Variants in ZFAND6 observed in about 807,000 individuals in gnomAD.
ZFAND6 encodes AN1-type zinc finger protein 6.
A neutral mutation model predicts 24.5 loss-of-function variants in ZFAND6; 12 were observed. The ratio of observed to expected loss-of-function variants is 0.49; its 90% CI spans 0.31 to 0.79. The LOEUF is 0.79. ZFAND6 is among the 30% of genes least tolerant of loss of function. The probability of loss-of-function intolerance (pLI) is 0.04; values close to 1 mark genes in which losing one functional copy is unlikely to be tolerated. For synonymous variants in ZFAND6, 92 were observed against 81.5 expected (o/e 1.13, Z -0.69); for missense variants, 207 against 245.9 (o/e 0.84, Z 1.06).
intron 2 of ZFAND6, among the ~76,000 whole-genome samples, chr15:80,114,553 C>G (rs1020946497): frequency 6.6e-6 from 1 of 152,068 alleles, no homozygotes; most frequent in Non-Finnish European, 1.5e-5. Flanking sequence ...CAATGAGAAC[C>G]ACAGTTGGGA....
At chr15:80,089,173 A>T (rs1310565305) in intron 1 of ZFAND6, among the ~76,000 whole-genome samples, 2 of 151,510 alleles carry the variant, frequency 1.3e-5, no homozygotes, top group African/African-American at 4.9e-5. Flanking sequence ...AGATTGCAAT[A>T]ATTCAACATA....
intron 2 of ZFAND6, among the ~76,000 whole-genome samples, chr15:80,113,656 T>C (rs1567085067): frequency 6.6e-6 from 1 of 152,188 alleles, no homozygotes; most frequent in Non-Finnish European, 1.5e-5. Context: ...AATATAGCCG[T>C]TTTTTGCCTG....
chr15:80,125,774 T>A (rs2142031785), intron 5 of ZFAND6, among the ~76,000 whole-genome samples: 1 of 152,298 alleles, frequency 6.6e-6, no homozygotes. Flanking sequence ...AGATCTTGGG[T>A]CATAGTAGAA....
chr15:80,078,550 A>G (rs768398964), intron 1 of ZFAND6, among the ~76,000 whole-genome samples: 3 of 152,144 alleles, frequency 2.0e-5, no homozygotes, highest in Non-Finnish European at 4.4e-5. Flanking sequence ...TGGTAAAATG[A>G]TTTATTTTCT....
At chr15:80,060,976 C>T (rs2036302263) in intron 1 of ZFAND6, among the ~76,000 whole-genome samples, 1 of 152,146 alleles carries the variant, frequency 6.6e-6, no homozygotes, top group Non-Finnish European at 1.5e-5. Flanking sequence ...GGATTAAATT[C>T]CTCTTTCAAA....
chr15:80,131,606 A>G (rs2040606566), intron 6 of ZFAND6: 1 of 373,536 alleles, frequency 2.7e-6, no homozygotes, highest in Non-Finnish European at 4.8e-6. Flanking sequence ...ATTTTGAAGT[A>G]CTTGGTAAAC....
At chr15:80,080,621 G>A (rs924974361) in intron 1 of ZFAND6, among the ~76,000 whole-genome samples, 1 of 152,198 alleles carries the variant, frequency 6.6e-6, no homozygotes, top group African/African-American at 2.4e-5. Context: ...AATCTTGGAT[G>A]TGTTAGGTCA....
chr15:80,068,674 T>C (rs1263025367), intron 1 of ZFAND6, among the ~76,000 whole-genome samples: 1 of 152,222 alleles, frequency 6.6e-6, no homozygotes, highest in African/African-American at 2.4e-5. Context: ...GCTCAGCCGG[T>C]CTTGAACTTT....
At chr15:80,097,976 A>G (rs2038828698) in intron 1 of ZFAND6, among the ~76,000 whole-genome samples, 1 of 152,208 alleles carries the variant, frequency 6.6e-6, no homozygotes, top group African/African-American at 2.4e-5. Context: ...TGTCAGCAAC[A>G]TGGCTCCTCC....
chr15:80,134,271 C>T (rs960612720), intron 6 of ZFAND6, among the ~76,000 whole-genome samples: 1 of 152,120 alleles, frequency 6.6e-6, no homozygotes, highest in Admixed American at 6.5e-5. Flanking sequence ...ATTACAGGCA[C>T]GAGCCACAGC....
chr15:80,121,635 GATTTTGATTTTTTTAGATAAGGTCTT>G lies in ZFAND6; in HGVS notation c.155-75_155-50del. 2.5e-6 allele frequency: 3 copies of G among 1,220,168 alleles called. No homozygotes were observed. The South Asian group carries it at 4.2e-5, about 17-fold the overall frequency. 75.6% of individuals were successfully genotyped at this position (1,220,168 alleles called of 1,614,324 possible). A position where few individuals can be genotyped will look rare whatever the true frequency, so the allele number is the denominator to read the frequency against. On this transcript the variant is annotated intron_variant, in intron 3 of 6. Coordinates refer to ENST00000261749, the MANE Select transcript of ZFAND6 (RefSeq NM_019006.4). ...TCTATACTGTGTTCTGTGGAAAATG[GATTTTGATTTTTTTAGATAAGGTCTT>G]AGACTGCTGAGCATATAGAATCACT...
At chr15:80,089,877 A>G (rs933150070) in intron 1 of ZFAND6, among the ~76,000 whole-genome samples, 17 of 152,302 alleles carry the variant, frequency 1.1e-4, no homozygotes, top group African/African-American at 3.8e-4. Flanking sequence ...GTATCAGTCT[A>G]CTTGTGACTC....
chr15:80,104,142 G>A (rs1004340581), intron 2 of ZFAND6, among the ~76,000 whole-genome samples: 4 of 151,852 alleles, frequency 2.6e-5, no homozygotes, highest in Admixed American at 6.6e-5. Flanking sequence ...GCCCCTGGCC[G>A]GATTTTATTT....
At chr15:80,122,408 G>T (rs993422675) in intron 4 of ZFAND6, among the ~76,000 whole-genome samples, 1 of 151,900 alleles carries the variant, frequency 6.6e-6, no homozygotes, top group African/African-American at 2.4e-5. Context: ...TTTGTCTTAG[G>T]GTTCTTTAAG....
At chr15:80,102,121 A>T (rs911669356) in intron 2 of ZFAND6, among the ~76,000 whole-genome samples, 8 of 151,344 alleles carry the variant, frequency 5.3e-5, no homozygotes, top group Non-Finnish European at 4.4e-5. Flanking sequence ...AACAATTTAT[A>T]AAATTTATTA....
At chr15:80,111,338 C>T (rs2039599125) in intron 2 of ZFAND6, 2 of 363,150 alleles carry the variant, frequency 5.5e-6, no homozygotes, top group African/African-American at 2.1e-5. Context: ...CATCCCACCC[C>T]TGCAGACACC....
intron 1 of ZFAND6, among the ~76,000 whole-genome samples, chr15:80,084,304 C>A (rs1339020425): frequency 6.6e-6 from 1 of 152,188 alleles, no homozygotes. Flanking sequence ...AGACACGATG[C>A]TGAAAGAAAA....
chr15:80,089,259 GTTTTTTTTT>G (rs71453501), intron 1 of ZFAND6, among the ~76,000 whole-genome samples: 5 of 61,096 alleles, frequency 8.2e-5, no homozygotes, highest in Admixed American at 2.8e-4. Flanking sequence ...GAGTGTGTGT[GTTTTTTTTT>G]TTTTTTTTTT....
At chr15:80,112,004 A>G (rs905392307) in intron 2 of ZFAND6, among the ~76,000 whole-genome samples, 1 of 152,242 alleles carries the variant, frequency 6.6e-6, no homozygotes, top group Admixed American at 6.5e-5. Context: ...TCACACCTGT[A>G]ATCTCAGCAC....
Sources: gnomAD v4.1 joint callset for allele counts (sites outside exome capture counted in the v4.1 genomes callset) on GRCh38, gnomAD v4.1.1 for gene constraint, MANE v1.5 for transcripts, NCBI Gene and HGNC (gene_info 2026-07-23, HGNC 2026-07-21) for gene names.